Variants in ARHGAP15 observed in about 807,000 individuals in gnomAD.
The protein encoded by ARHGAP15 is Rho GTPase activating protein 15, also known as rho GTPase-activating protein 15.
A neutral mutation model predicts 63.7 loss-of-function variants in ARHGAP15; 51 were observed. The ratio of observed to expected loss-of-function variants is 0.80; its 90% CI spans 0.64 to 1.01. The LOEUF (loss-of-function observed/expected upper bound fraction) is 1.01, where lower values mean the gene tolerates loss of function less well. ARHGAP15 is among the 50% of genes least tolerant of loss of function. The pLI, the probability that ARHGAP15 is intolerant of heterozygous loss-of-function variation, is 0.00. For missense variants in ARHGAP15, 560 were observed against 564.6 expected, an observed-to-expected ratio of 0.99 and a Z score of 0.08; for synonymous variants, 191 against 193.8, an observed-to-expected ratio of 0.99 and a Z score of 0.12.
chr2:143,480,251 T>C (rs1692015974), intron 8 of ARHGAP15, among the ~76,000 whole-genome samples: 1 of 152,164 alleles, frequency 6.6e-6, no homozygotes, highest in Non-Finnish European at 1.5e-5. Context: ...AAAGTAGCCA[T>C]GAAATTTTCC....
chr2:143,534,433 A>G (rs774702666), intron 10 of ARHGAP15, among the ~76,000 whole-genome samples: 2 of 152,196 alleles, frequency 1.3e-5, no homozygotes, highest in Non-Finnish European at 2.9e-5. Context: ...AACGCCACAT[A>G]CAGTAAAACT....
chr2:143,154,436 A>T (rs539691127), intron 1 of ARHGAP15, among the ~76,000 whole-genome samples: 1 of 152,008 alleles, frequency 6.6e-6, no homozygotes, highest in South Asian at 2.1e-4. Flanking sequence ...TGCCTCCTTA[A>T]AACATGATTC....
At chr2:143,582,422 C>G (rs11685851) in intron 11 of ARHGAP15, among the ~76,000 whole-genome samples, 43,295 of 151,910 alleles carry the variant, frequency 0.29, 6,953 homozygotes, top group African/African-American at 0.44. Context: ...AGACTCTGTG[C>G]TTTTGATTAT....
chr2:143,477,260 C>T (rs1691864827), intron 8 of ARHGAP15, among the ~76,000 whole-genome samples: 1 of 151,728 alleles, frequency 6.6e-6, no homozygotes, highest in Non-Finnish European at 1.5e-5. Context: ...CTAATAACAA[C>T]AGATGCATAG....
At chr2:143,270,398 C>T (rs1044657633) in intron 6 of ARHGAP15, among the ~76,000 whole-genome samples, 2 of 152,172 alleles carry the variant, frequency 1.3e-5, no homozygotes, top group Admixed American at 6.5e-5. Context: ...CCATCCTGAT[C>T]GGTAGCTTTT....
At chr2:143,543,834 G>T (rs895587194) in intron 10 of ARHGAP15, among the ~76,000 whole-genome samples, 1 of 152,146 alleles carries the variant, frequency 6.6e-6, no homozygotes, top group Non-Finnish European at 1.5e-5. Context: ...AGTCAACAAA[G>T]TGTTTTGAGT....
chr2:143,549,298 A>G (rs1483075666), intron 10 of ARHGAP15, among the ~76,000 whole-genome samples: 1 of 152,202 alleles, frequency 6.6e-6, no homozygotes, highest in Non-Finnish European at 1.5e-5. Flanking sequence ...GAAATAATAG[A>G]AAATATGTGT....
intron 1 of ARHGAP15, among the ~76,000 whole-genome samples, chr2:143,150,369 C>G (rs1689767297): frequency 6.6e-6 from 1 of 151,924 alleles, no homozygotes; most frequent in Non-Finnish European, 1.5e-5. Context: ...CATGTTCACT[C>G]CTATTTGCAG....
intron 11 of ARHGAP15, among the ~76,000 whole-genome samples, chr2:143,579,443 T>C (rs1375740391): frequency 6.6e-6 from 1 of 152,144 alleles, no homozygotes; most frequent in African/African-American, 2.4e-5. Flanking sequence ...AAAACGTCAT[T>C]TAGTTAGTTG....
chr2:143,457,404 G>A (rs1690711194), intron 8 of ARHGAP15, among the ~76,000 whole-genome samples: 1 of 151,914 alleles, frequency 6.6e-6, no homozygotes, highest in East Asian at 1.9e-4. Context: ...CAATTAGCTG[G>A]ACATGGTAGC....
Position 143,425,920 on chromosome 2 carries a change from A to G in ARHGAP15, c.475-9681A>G, listed in dbSNP as rs578073000. On this transcript the variant is annotated intron_variant, in intron 6 of 13. Transcript: ENST00000295095. ...TGCAGTTTGGATTCTATAAAAAAGA[A>G]TTCACTGGTTAATTTCCAAATCTCC... Among the ~76,000 whole-genome samples, 25 of 152,284 alleles carry G rather than the reference A, an allele frequency of 1.6e-4. No homozygotes were observed. In the Middle Eastern group the frequency reaches 0.01, roughly 62 times the overall value.
chr2:143,519,230 G>C, intron 9 of ARHGAP15, 36 bp from the exon 10 acceptor site: 8 of 1,469,172 alleles, frequency 5.4e-6, no homozygotes, highest in Non-Finnish European at 7.6e-6. Flanking sequence ...ACGCAAGCTT[G>C]GATTTTAATG....
intron 8 of ARHGAP15, among the ~76,000 whole-genome samples, chr2:143,485,746 G>A (rs1288329085): frequency 1.3e-5 from 2 of 152,098 alleles, no homozygotes; most frequent in Non-Finnish European, 2.9e-5. Context: ...ACAGAGGACA[G>A]GCCTCTACAA....
chr2:143,410,930 G>A (rs1264526774), intron 6 of ARHGAP15, among the ~76,000 whole-genome samples: 2 of 152,032 alleles, frequency 1.3e-5, no homozygotes, highest in Non-Finnish European at 1.5e-5. Context: ...GAGGCCAGGC[G>A]TGATGGCTCA....
At chr2:143,254,268 A>G (rs2104990799) in intron 6 of ARHGAP15, among the ~76,000 whole-genome samples, 1 of 152,222 alleles carries the variant, frequency 6.6e-6, no homozygotes, top group Non-Finnish European at 1.5e-5. Flanking sequence ...ATGTGAAAGG[A>G]TGGCAGCATT....
chr2:143,639,026 G>C (rs13403034), intron 12 of ARHGAP15, among the ~76,000 whole-genome samples: 2,776 of 152,116 alleles, frequency 0.018, 90 homozygotes, highest in African/African-American at 0.064. Flanking sequence ...AAGGCTACCA[G>C]CTGGGAATTT....
chr2:143,602,982 C>T (rs1485377981), intron 11 of ARHGAP15, among the ~76,000 whole-genome samples: 1 of 152,146 alleles, frequency 6.6e-6, no homozygotes, highest in Non-Finnish European at 1.5e-5. Context: ...CCTATTTCAG[C>T]ATAATGTTGC....
intron 10 of ARHGAP15, among the ~76,000 whole-genome samples, chr2:143,548,817 A>T (rs1282646498): frequency 7.3e-6 from 1 of 136,386 alleles, no homozygotes; most frequent in East Asian, 2.2e-4. Context: ...CTATGAAGCA[A>T]GCATTTCATA....
intron 9 of ARHGAP15, among the ~76,000 whole-genome samples, chr2:143,508,639 G>T (rs1163524307): frequency 6.6e-6 from 1 of 152,192 alleles, no homozygotes. Context: ...GTGTGATGTT[G>T]CTTTAGATAA....
Sources: allele counts gnomAD v4.1 joint callset (sites outside exome capture counted in the v4.1 genomes callset), GRCh38; gene constraint gnomAD v4.1.1; transcripts MANE v1.5; gene names NCBI Gene and HGNC (gene_info 2026-07-23, HGNC 2026-07-21).